FOXP4: variants seen among roughly 807,000 people sequenced by gnomAD.
The protein encoded by FOXP4 is forkhead box protein P4.
In FOXP4, 25 loss-of-function variants were observed where a neutral mutation model predicts 82.6. That is an observed-to-expected ratio of 0.30 (90% CI 0.22 to 0.42). FOXP4 has a LOEUF of 0.42. Among genes scored for constraint, FOXP4 ranks in the 10% least tolerant of loss-of-function variants. The probability of loss-of-function intolerance (pLI) is 1.00; values close to 1 mark genes in which losing one functional copy is unlikely to be tolerated. For missense variants in FOXP4, 785 were observed against 900.9 expected (o/e 0.87, Z 1.65); for synonymous variants, 415 against 388.2 (o/e 1.07, Z -0.81).
chr6:41,589,693 C>T (rs1384726953), intron 9 of FOXP4, 78 bp from the exon 10 acceptor site: 2 of 1,454,704 alleles, frequency 1.4e-6, no homozygotes, highest in Non-Finnish European at 1.9e-6. Flanking sequence ...TCTGAAGAGC[C>T]TGGCGGTGGA....
At chr6:41,568,480 C>T (rs1765005951) in intron 2 of FOXP4, among the ~76,000 whole-genome samples, 1 of 152,206 alleles carries the variant, frequency 6.6e-6, no homozygotes, top group African/African-American at 2.4e-5. Context: ...GAAATGGAGG[C>T]AGCGAGGCCT....
intron 2 of FOXP4, chr6:41,570,291 TG>T: frequency 2.1e-6 from 1 of 469,358 alleles, no homozygotes; most frequent in Non-Finnish European, 4.4e-6. Flanking sequence ...GAGGGAGAGT[TG>T]GGGCCCGCAC....
intron 7 of FOXP4, 136 bp downstream of exon 7, chr6:41,587,648 C>T (rs963592430): frequency 1.1e-6 from 1 of 899,410 alleles, no homozygotes; most frequent in Non-Finnish European, 1.7e-6. Flanking sequence ...ACTCCCTCTC[C>T]CGGGGTGTAC....
intron 8 of FOXP4, 46 bp from the exon 9 acceptor site, chr6:41,588,598 A>G (rs1184533129): frequency 8.8e-6 from 14 of 1,583,574 alleles, no homozygotes; most frequent in Non-Finnish European, 1.2e-5. Flanking sequence ...TGGTGGCAGC[A>G]GGGAAACCGG....
chr6:41,572,956 A>T (rs1487442269), intron 2 of FOXP4, among the ~76,000 whole-genome samples: 1 of 152,146 alleles, frequency 6.6e-6, no homozygotes, highest in Non-Finnish European at 1.5e-5. Flanking sequence ...TGACCCACTA[A>T]ATTGATATTA....
At chr6:41,551,802 C>T (rs1764012351) in intron 1 of FOXP4, among the ~76,000 whole-genome samples, 1 of 151,996 alleles carries the variant, frequency 6.6e-6, no homozygotes, top group Admixed American at 6.5e-5. Context: ...GGGAATGGAG[C>T]CAGGGACTCA....
At chr6:41,575,972 A>T (rs1183526779) in intron 2 of FOXP4, among the ~76,000 whole-genome samples, 1 of 150,738 alleles carries the variant, frequency 6.6e-6, no homozygotes, top group Non-Finnish European at 1.5e-5. Context: ...GACCTGGAGG[A>T]GTTTGTAAAA....
chr6:41,559,844 A>G (rs1311017712), intron 1 of FOXP4, among the ~76,000 whole-genome samples: 5 of 152,190 alleles, frequency 3.3e-5, no homozygotes, highest in African/African-American at 1.2e-4. Context: ...ACAGATTCCC[A>G]GGCCCACTCC....
intron 14 of FOXP4, among the ~76,000 whole-genome samples, chr6:41,595,194 AC>A (rs1766759803): frequency 2.0e-5 from 3 of 152,330 alleles, no homozygotes; most frequent in Admixed American, 6.5e-5. Flanking sequence ...CAGAAGGCAG[AC>A]ATTTATGTCC....
At chr6:41,570,660 A>T (rs1765149654) in intron 2 of FOXP4, among the ~76,000 whole-genome samples, 1 of 152,138 alleles carries the variant, frequency 6.6e-6, no homozygotes, top group Non-Finnish European at 1.5e-5. Context: ...CTAATATGGA[A>T]TTCTGAAATC....
At chr6:41,575,605 A>G (rs971072782) in intron 2 of FOXP4, among the ~76,000 whole-genome samples, 4 of 152,162 alleles carry the variant, frequency 2.6e-5, no homozygotes, top group Non-Finnish European at 5.9e-5. Context: ...TGAGACTGCA[A>G]GGCCTTGCCA....
At chr6:41,561,307 G>T (rs1254562179) in intron 1 of FOXP4, among the ~76,000 whole-genome samples, 1 of 141,632 alleles carries the variant, frequency 7.1e-6, no homozygotes, top group Non-Finnish European at 1.5e-5. Flanking sequence ...AAATAACTCG[G>T]CCTCCGGTGC....
At chr6:41,588,272 G>A (rs1019110320) in intron 8 of FOXP4, among the ~76,000 whole-genome samples, 33 of 152,174 alleles carry the variant, frequency 2.2e-4, no homozygotes, top group East Asian at 1.9e-4. Context: ...GTGGACGGGC[G>A]GCTGGCAGCA....
chr6:41,598,522 TTCTA>T (rs1426408896), intron 16 of FOXP4, among the ~76,000 whole-genome samples: 5 of 152,148 alleles, frequency 3.3e-5, no homozygotes, highest in African/African-American at 9.7e-5. Context: ...CTGGCCTCTC[TTCTA>T]TCTTTCTTCT....
chr6:41,589,319 T>G (rs1245628637), intron 9 of FOXP4, among the ~76,000 whole-genome samples: 1 of 152,226 alleles, frequency 6.6e-6, no homozygotes, highest in East Asian at 1.9e-4. Context: ...CATCCTGCTG[T>G]GAGAGGGTGG....
chr6:41,583,207 C>CGCCAGTGAT (rs1765903496), intron 3 of FOXP4, among the ~76,000 whole-genome samples: 1 of 152,180 alleles, frequency 6.6e-6, no homozygotes, highest in Non-Finnish European at 1.5e-5. Flanking sequence ...CAGGGACAGC[C>CGCCAGTGAT]GCCAGTGATG....
intron 2 of FOXP4, 116 bp downstream of exon 2, chr6:41,566,080 T>A: frequency 2.6e-6 from 3 of 1,157,402 alleles, no homozygotes; most frequent in Non-Finnish European, 3.6e-6. Flanking sequence ...ACTTTACCAT[T>A]CTTAAGACAG....
Position 41,589,873 on chromosome 6 carries a change from C to T in FOXP4, c.1149+19C>T. 6.2e-7 allele frequency: 1 copy of T among 1,610,762 alleles called. No individual in the cohort carries two copies. Among genetic ancestry groups the T allele is most frequent in the Non-Finnish European group, 8.5e-7 (1 of 1,179,516 alleles). On this transcript the variant is annotated intron_variant, in intron 10 of 16. Transcript: ENST00000307972. ...CCAGCCAGTGAGTGCTGCTCCCCTC[C>T]CCGCCCCTCCCAGAGCCTTCCACAG...
intron 2 of FOXP4, among the ~76,000 whole-genome samples, chr6:41,575,759 C>A (rs2127370749): frequency 6.7e-6 from 1 of 150,312 alleles, no homozygotes; most frequent in Non-Finnish European, 1.5e-5. Flanking sequence ...CCAGGAGCCC[C>A]TCCCTGCTGT....
Sources: gnomAD v4.1 joint callset for allele counts (sites outside exome capture counted in the v4.1 genomes callset) on GRCh38, gnomAD v4.1.1 for gene constraint, MANE v1.5 for transcripts, NCBI Gene and HGNC (gene_info 2026-07-23, HGNC 2026-07-21) for gene names.